Variants in CTNNA3 observed in about 807,000 individuals in gnomAD.
CTNNA3 encodes catenin alpha-3.
In CTNNA3, 76 loss-of-function variants were observed where a neutral mutation model predicts 95.7. The observed-to-expected ratio is 0.79, with a 90% CI of 0.66 to 0.96. The LOEUF is 0.96. CTNNA3 is among the 40% of genes least tolerant of loss of function. The probability of loss-of-function intolerance (pLI) is 0.00; values close to 1 mark genes in which losing one functional copy is unlikely to be tolerated. For missense variants in CTNNA3, 1,191 were observed against 1,089.8 expected, an observed-to-expected ratio of 1.09 and a Z score of -1.31; for synonymous variants, 431 against 374.4, an observed-to-expected ratio of 1.15 and a Z score of -1.74.
At chr10:66,450,949 A>AT (rs2093459566) in intron 11 of CTNNA3, among the ~76,000 whole-genome samples, 1 of 152,154 alleles carries the variant, frequency 6.6e-6, no homozygotes, top group African/African-American at 2.4e-5. Context: ...CAAAATTGTG[A>AT]TCATGGGCCA....
chr10:66,779,867 C>T (rs1292234169), intron 7 of CTNNA3, among the ~76,000 whole-genome samples: 1 of 152,144 alleles, frequency 6.6e-6, no homozygotes, highest in Non-Finnish European at 1.5e-5. Context: ...ATGCTAAGAA[C>T]TAGTCGCTGC....
At chr10:66,856,841 C>T (rs1273582685) in intron 7 of CTNNA3, among the ~76,000 whole-genome samples, 1 of 152,034 alleles carries the variant, frequency 6.6e-6, no homozygotes, top group Admixed American at 6.6e-5. Context: ...ATATTTTCTC[C>T]TATCCTGCAG....
At chr10:67,538,455 T>G (rs1163655829) in intron 4 of CTNNA3, among the ~76,000 whole-genome samples, 1 of 151,556 alleles carries the variant, frequency 6.6e-6, no homozygotes, top group African/African-American at 2.4e-5. Flanking sequence ...TGGTGGTGTG[T>G]GCCTGTAATC....
At chr10:66,145,739 A>G (rs2083849406) in intron 13 of CTNNA3, among the ~76,000 whole-genome samples, 1 of 152,198 alleles carries the variant, frequency 6.6e-6, no homozygotes, top group Non-Finnish European at 1.5e-5. Context: ...CTCTTCATTA[A>G]GTGTTTTTTA....
chr10:66,086,489 A>AT (rs757678011), intron 14 of CTNNA3, among the ~76,000 whole-genome samples: 5 of 151,948 alleles, frequency 3.3e-5, no homozygotes, highest in Admixed American at 6.6e-5. Context: ...GGGCATGCGA[A>AT]TTTTTTTTAA....
chr10:66,316,043 A>G (rs927377352), intron 12 of CTNNA3, among the ~76,000 whole-genome samples: 2 of 152,128 alleles, frequency 1.3e-5, no homozygotes, highest in Admixed American at 6.6e-5. Flanking sequence ...TTAAGCTCCC[A>G]TGGCATGTTT....
chr10:67,408,975 T>C (rs1845260608), intron 5 of CTNNA3, among the ~76,000 whole-genome samples: 2 of 144,198 alleles, frequency 1.4e-5, no homozygotes, highest in African/African-American at 5.1e-5. Flanking sequence ...CCAACAAACA[T>C]GTGAAAAAAA....
chr10:67,406,500 A>G (rs1373159434), intron 5 of CTNNA3, among the ~76,000 whole-genome samples: 1 of 152,174 alleles, frequency 6.6e-6, no homozygotes, highest in South Asian at 2.1e-4. Flanking sequence ...ACCTAACATC[A>G]CAACTAAAAG....
intron 17 of CTNNA3, among the ~76,000 whole-genome samples, chr10:65,950,331 G>A (rs897250812): frequency 6.6e-6 from 1 of 151,830 alleles, no homozygotes; most frequent in Admixed American, 6.6e-5. Flanking sequence ...TTTCAGTTCT[G>A]CCTTATACAT....
chr10:67,101,653 T>C (rs1380657020), intron 7 of CTNNA3, among the ~76,000 whole-genome samples: 1 of 151,748 alleles, frequency 6.6e-6, no homozygotes, highest in South Asian at 2.1e-4. Context: ...AAGAAAACAT[T>C]CCCAAATTTA....
At chr10:67,179,463 A>G (rs1422742425) in intron 7 of CTNNA3, among the ~76,000 whole-genome samples, 1 of 149,980 alleles carries the variant, frequency 6.7e-6, no homozygotes, top group African/African-American at 2.5e-5. Flanking sequence ...CTAAATTTAG[A>G]CATTTACAAT....
intron 13 of CTNNA3, among the ~76,000 whole-genome samples, chr10:66,162,761 C>G (rs1242786816): frequency 1.3e-5 from 2 of 152,052 alleles, no homozygotes; most frequent in African/African-American, 4.8e-5. Context: ...AGTGGTGGGG[C>G]TCTAGAACTC....
At chr10:65,965,497 T>C (rs970141400) in intron 17 of CTNNA3, among the ~76,000 whole-genome samples, 1 of 145,472 alleles carries the variant, frequency 6.9e-6, no homozygotes, top group Non-Finnish European at 1.5e-5. Flanking sequence ...TTCCACCTCC[T>C]GGGTTCAAGT....
At chr10:66,980,185 A>G (rs1850331437) in intron 7 of CTNNA3, among the ~76,000 whole-genome samples, 1 of 152,172 alleles carries the variant, frequency 6.6e-6, no homozygotes, top group South Asian at 2.1e-4. Context: ...AGGTGCTTTA[A>G]CTGACCTACG....
chr10:67,221,081 C>T (rs76639855), intron 5 of CTNNA3, among the ~76,000 whole-genome samples: 1,685 of 152,222 alleles, frequency 0.011, 31 homozygotes, highest in African/African-American at 0.038. Flanking sequence ...CAGTGTGGTA[C>T]TGAGGATTAG....
intron 14 of CTNNA3, among the ~76,000 whole-genome samples, chr10:66,083,934 G>T (rs541595097): frequency 6.6e-6 from 1 of 151,892 alleles, no homozygotes; most frequent in African/African-American, 2.4e-5. Context: ...TTGGGAATTC[G>T]AGACCAGCCT....
At chr10:66,425,079 G>A (rs941039788) in intron 11 of CTNNA3, among the ~76,000 whole-genome samples, 2 of 148,764 alleles carry the variant, frequency 1.3e-5, no homozygotes. Context: ...ATACTGTGTG[G>A]ATTGTTCTTT....
chr10:67,220,399 A>T (rs940920472), intron 5 of CTNNA3, among the ~76,000 whole-genome samples: 2 of 152,240 alleles, frequency 1.3e-5, no homozygotes, highest in Non-Finnish European at 2.9e-5. Context: ...ACAATTAGTT[A>T]CTGAGCACTT....
intron 16 of CTNNA3, among the ~76,000 whole-genome samples, chr10:65,988,108 GTCT>G (rs1339904533): frequency 3.9e-5 from 6 of 152,156 alleles, no homozygotes; most frequent in Non-Finnish European, 1.5e-5. Flanking sequence ...ATAAATTGTA[GTCT>G]TCTGTAACAT....
Sources: gnomAD v4.1 joint callset for allele counts (sites outside exome capture counted in the v4.1 genomes callset) on GRCh38, gnomAD v4.1.1 for gene constraint, MANE v1.5 for transcripts, NCBI Gene and HGNC (gene_info 2026-07-23, HGNC 2026-07-21) for gene names.